The following RRAGD variants were observed in gnomAD, a reference collection of about 807,000 sequenced individuals.
The protein encoded by RRAGD is ras-related GTP-binding protein D.
A neutral mutation model predicts 35.5 loss-of-function variants in RRAGD; 12 were observed. That is an observed-to-expected ratio of 0.34 (90% CI 0.22 to 0.55). RRAGD has a LOEUF of 0.55. Among genes scored for constraint, RRAGD ranks in the 20% least tolerant of loss-of-function variants. The pLI is 0.91. For missense variants in RRAGD, 324 were observed against 490.1 expected, an observed-to-expected ratio of 0.66 and a Z score of 3.20; for synonymous variants, 155 against 178.9, an observed-to-expected ratio of 0.87 and a Z score of 1.07.
chr6:89,392,955 T>C (rs1769264689), intron 1 of RRAGD, among the ~76,000 whole-genome samples: 2 of 152,160 alleles, frequency 1.3e-5, no homozygotes, highest in Non-Finnish European at 2.9e-5. Context: ...TGGAAGCAAA[T>C]GGCCCAAAAT....
chr6:89,405,581 C>T (rs1266365006), intron 1 of RRAGD, among the ~76,000 whole-genome samples: 1 of 151,882 alleles, frequency 6.6e-6, no homozygotes, highest in Non-Finnish European at 1.5e-5. Flanking sequence ...GACACACGCA[C>T]AGGACACACG....
intron 1 of RRAGD, among the ~76,000 whole-genome samples, chr6:89,395,280 T>C (rs1461724224): frequency 6.6e-6 from 1 of 151,962 alleles, no homozygotes; most frequent in Non-Finnish European, 1.5e-5. Context: ...AAACAACAAT[T>C]TGTTGGACAT....
intron 1 of RRAGD, among the ~76,000 whole-genome samples, chr6:89,405,353 C>CAAAAA (rs56252416): frequency 3.4e-4 from 18 of 52,176 alleles, no homozygotes; most frequent in African/African-American, 6.8e-4. Context: ...GACTCCGTCT[C>CAAAAA]AAAAAAAAAA....
At chr6:89,387,658 T>G (rs1480398068) in intron 1 of RRAGD, 68 bp from the exon 2 acceptor site, 10 of 1,376,772 alleles carry the variant, frequency 7.3e-6, no homozygotes, top group Non-Finnish European at 1.0e-5. Flanking sequence ...GGAGTTTCAC[T>G]TCCACCTCAA....
Position 89,367,387 on chromosome 6 carries a change from G to A in RRAGD, c.*669C>T, listed in dbSNP as rs1188833462. On this transcript the variant is annotated 3_prime_UTR_variant, in exon 7 of 7. Transcript: ENST00000369415. ...ATAGAGATGTGTGTTGAGGTAAACA[G>A]CTTCATAAAAACCGTTGAGCAGGGA... 1 of 152,164 alleles carries A rather than the reference G, an allele frequency of 6.6e-6. No individual in the cohort carries two copies. Among genetic ancestry groups the A allele is most frequent in the Non-Finnish European group, 1.5e-5 (1 of 68,032 alleles). The allele number at this position is 152,164 out of a possible 1,614,324, so 9.4% of individuals were successfully genotyped here.
intron 1 of RRAGD, among the ~76,000 whole-genome samples, chr6:89,397,405 G>C (rs1417691680): frequency 6.6e-6 from 1 of 152,072 alleles, no homozygotes; most frequent in African/African-American, 2.4e-5. Context: ...AGAAATGAAA[G>C]TTTTTGTCCA....
At chr6:89,402,547 G>C (rs1769492513) in intron 1 of RRAGD, among the ~76,000 whole-genome samples, 1 of 152,176 alleles carries the variant, frequency 6.6e-6, no homozygotes. Flanking sequence ...AGGGACAAGG[G>C]AGACAGAAGC....
chr6:89,377,403 C>A (rs1279096414), intron 5 of RRAGD, among the ~76,000 whole-genome samples: 2 of 152,142 alleles, frequency 1.3e-5, no homozygotes, highest in African/African-American at 4.8e-5. Context: ...CATTTGAGCC[C>A]AGGAGTGATC....
intron 1 of RRAGD, among the ~76,000 whole-genome samples, chr6:89,389,519 G>A (rs1195862548): frequency 7.2e-6 from 1 of 138,098 alleles, no homozygotes; most frequent in East Asian, 2.2e-4. Flanking sequence ...TCATGCCACT[G>A]CACTCCAGCC....
At chr6:89,386,564 T>C (rs1260956212) in intron 2 of RRAGD, among the ~76,000 whole-genome samples, 2 of 152,212 alleles carry the variant, frequency 1.3e-5, no homozygotes, top group Non-Finnish European at 2.9e-5. Context: ...TTTTTCATGA[T>C]AGAAAACTTG....
chr6:89,391,526 C>G (rs915064348), intron 1 of RRAGD, among the ~76,000 whole-genome samples: 1 of 152,146 alleles, frequency 6.6e-6, no homozygotes, highest in Non-Finnish European at 1.5e-5. Context: ...TTGTATGATT[C>G]TATTTACATG....
At chr6:89,405,541 T>C (rs1769562420) in intron 1 of RRAGD, among the ~76,000 whole-genome samples, 1 of 151,768 alleles carries the variant, frequency 6.6e-6, no homozygotes, top group Non-Finnish European at 1.5e-5. Context: ...CATACACGCA[T>C]ACACACGGAC....
chr6:89,389,583 G>C (rs932095977), intron 1 of RRAGD, among the ~76,000 whole-genome samples: 5 of 150,134 alleles, frequency 3.3e-5, no homozygotes, highest in Non-Finnish European at 5.9e-5. Flanking sequence ...AAAAGAAGTT[G>C]GTGTAACAGC....
intron 5 of RRAGD, 112 bp downstream of exon 5, chr6:89,377,559 G>T: frequency 1.0e-6 from 1 of 969,994 alleles, no homozygotes; most frequent in African/African-American, 1.7e-5. Context: ...ATAGATTTCA[G>T]TCATTTAAGA....
intron 1 of RRAGD, among the ~76,000 whole-genome samples, chr6:89,389,985 G>T (rs1348205839): frequency 1.3e-5 from 2 of 152,158 alleles, no homozygotes; most frequent in Non-Finnish European, 2.9e-5. Flanking sequence ...ACATGCAAAA[G>T]AATGAAGTTA....
intron 1 of RRAGD, among the ~76,000 whole-genome samples, chr6:89,410,708 G>C (rs1769675747): frequency 1.3e-5 from 2 of 152,360 alleles, no homozygotes; most frequent in Admixed American, 6.5e-5. Context: ...CTGATTCATT[G>C]AAAGTCGTGC....
At chr6:89,402,333 A>T (rs554221938) in intron 1 of RRAGD, among the ~76,000 whole-genome samples, 28 of 152,222 alleles carry the variant, frequency 1.8e-4, no homozygotes, top group African/African-American at 6.7e-4. Flanking sequence ...GGCATGAGCC[A>T]CTGAGCCCGG....
chr6:89,387,244 G>A, intron 2 of RRAGD, 51 bp downstream of exon 2: 2 of 1,554,678 alleles, frequency 1.3e-6, no homozygotes, highest in Non-Finnish European at 1.8e-6. Context: ...ACATGGGGTG[G>A]GGTGGAGGGG....
In RRAGD at chr6:89,387,294, C is replaced by T; in HGVS notation, c.444+1G>A. ...CATACCCCTGAGACTCTGAGCTTTA[C>T]CTGTGAGTCAATGACAAATATCAGT... On this transcript the variant is annotated splice_donor_variant, in intron 2 of 6. Transcript: ENST00000369415. LOFTEE classifies it high-confidence loss of function. The T allele has an allele frequency of 6.2e-7, 1 of 1,612,570 alleles. No homozygotes were observed. The highest frequency in any genetic ancestry group is 8.5e-7 in the Non-Finnish European group (1 of 1,178,756).
Sources: allele counts gnomAD v4.1 joint callset (sites outside exome capture counted in the v4.1 genomes callset), GRCh38; gene constraint gnomAD v4.1.1; transcripts MANE v1.5; gene names NCBI Gene and HGNC (gene_info 2026-07-23, HGNC 2026-07-21).